The following SMARCA2 variants were observed in gnomAD, a reference collection of about 807,000 sequenced individuals.
SMARCA2 encodes the protein SWI/SNF-related matrix-associated actin-dependent regulator of chromatin subfamily A member 2.
SMARCA2 carries 61 observed loss-of-function variants against 199.8 expected under a neutral mutation model. That is an observed-to-expected ratio of 0.31 (90% CI 0.25 to 0.38). The LOEUF (loss-of-function observed/expected upper bound fraction) is 0.38, where lower values mean the gene tolerates loss of function less well. SMARCA2 is among the 10% of genes least tolerant of loss of function. The probability of loss-of-function intolerance (pLI) is 1.00; values close to 1 mark genes in which losing one functional copy is unlikely to be tolerated. For synonymous variants in SMARCA2, 935 were observed against 732.0 expected (o/e 1.28, Z -4.48); for missense variants, 1,344 against 2,012.2 (o/e 0.67, Z 6.35).
chr9:2,169,303 A>G lies in SMARCA2; in HGVS notation c.4200-1116A>G, dbSNP rs963213984. ...TCTGAGGCACCTAACTTGTCATTTC[A>G]TATTGTAACTTTAGAACTCTTCACA... On this transcript the variant is annotated intron_variant, in intron 28 of 33. Coordinates refer to ENST00000349721, the MANE Select transcript of SMARCA2 (RefSeq NM_003070.5). This position sits in a 1 kb window ranked among gnomAD's most constrained non-coding sequence, Gnocchi z 6.5. 7.2e-5 allele frequency among the ~76,000 whole-genome samples: 11 copies of G among 152,030 alleles called. No individual in the cohort carries two copies. Among genetic ancestry groups the G allele is most frequent in the African/African-American group, 2.7e-4 (11 of 41,388 alleles).
chr9:2,090,477 G>T (rs1822006117), intron 19 of SMARCA2, among the ~76,000 whole-genome samples: 1 of 152,236 alleles, frequency 6.6e-6, no homozygotes, highest in South Asian at 2.1e-4. Flanking sequence ...GTGAACTTGG[G>T]CAAGTCTTCT....
At chr9:2,147,541 A>C (rs998292857) in intron 27 of SMARCA2, among the ~76,000 whole-genome samples, 23 of 152,220 alleles carry the variant, frequency 1.5e-4, no homozygotes, top group African/African-American at 4.3e-4. Context: ...ATAATGTTTC[A>C]CTTAGGATTT....
chr9:2,079,721 T>G (rs952885986), intron 14 of SMARCA2, among the ~76,000 whole-genome samples: 3 of 152,250 alleles, frequency 2.0e-5, no homozygotes, highest in Non-Finnish European at 4.4e-5. Flanking sequence ...AAAGCAGGTT[T>G]CATCTTGTTT....
At position 2,170,186 on chromosome 9, in the gene SMARCA2, C is replaced by A. The variant is rs369835781; in HGVS notation, c.4200-233C>A. On this transcript the variant is annotated intron_variant, in intron 28 of 33. Transcript: ENST00000349721. The surrounding 1 kb of genome is among the most constrained non-coding windows in gnomAD (Gnocchi z 4.7). Reference sequence around the variant, plus strand: ...GGGTAACAGGAATTTCTGTGTGTGACGGAAGTAGGAAAATCCCAGAAAGGT... The same window carrying A: ...GGGTAACAGGAATTTCTGTGTGTGAAGGAAGTAGGAAAATCCCAGAAAGGT... Among the ~76,000 whole-genome samples the A allele has an allele frequency of 5.3e-5, 8 of 152,116 alleles. No individual in the cohort carries two copies. The highest frequency in any genetic ancestry group is 1.7e-4 in the African/African-American group (7 of 41,398).
chr9:2,156,135 C>A (rs1411602724), intron 27 of SMARCA2, among the ~76,000 whole-genome samples: 1 of 152,114 alleles, frequency 6.6e-6, no homozygotes, highest in Non-Finnish European at 1.5e-5. Flanking sequence ...CCTTAATAAC[C>A]TTTGAAAGAA....
At chr9:2,077,390 C>T (rs1309443085) in intron 13 of SMARCA2, among the ~76,000 whole-genome samples, 1 of 152,160 alleles carries the variant, frequency 6.6e-6, no homozygotes, top group African/African-American at 2.4e-5. Context: ...AATGAAGTAA[C>T]CTCTCTAAGC....
At chr9:2,025,476 T>C (rs1818787326) in intron 1 of SMARCA2, among the ~76,000 whole-genome samples, 1 of 152,176 alleles carries the variant, frequency 6.6e-6, no homozygotes, top group Admixed American at 6.5e-5. Flanking sequence ...TGTGTGTTAT[T>C]ATGTGAGCAG....
intron 27 of SMARCA2, among the ~76,000 whole-genome samples, chr9:2,127,023 T>C (rs1823726416): frequency 6.6e-6 from 1 of 152,256 alleles, no homozygotes; most frequent in Admixed American, 6.5e-5. Context: ...TGCAAACTCA[T>C]GTTCAGTCTG....
chr9:2,162,267 A>G (rs1825721029), intron 28 of SMARCA2, among the ~76,000 whole-genome samples: 1 of 152,202 alleles, frequency 6.6e-6, no homozygotes, highest in Non-Finnish European at 1.5e-5. Flanking sequence ...TTGTTAGAGA[A>G]AGAAGAATCC....
In SMARCA2 at chr9:2,054,719, G is replaced by A. The variant is rs537327734; in HGVS notation, c.1169G>A (p.Arg390His). Residue 390 changes from arginine (R) to histidine (H), a missense_variant, in exon 6 of 34, where the codon CGT becomes CAT. Coordinates refer to ENST00000349721, the MANE Select transcript of SMARCA2 (RefSeq NM_003070.5). ...LKALRLLNFQ[R>H]QLRQEVVACM... ...GCACTTCGGTTACTCAATTTCCAGC[G>A]TCAGGTAATACATTTTCCCCAGTGA... is the stretch of plus-strand genomic sequence containing the variant. 9 of 1,613,938 alleles carry A rather than the reference G, an allele frequency of 5.6e-6. No homozygotes were observed. Among genetic ancestry groups the A allele is most frequent in the East Asian group, 2.2e-5 (1 of 44,876 alleles).
Position 2,073,338 on chromosome 9 carries a change from C to G in SMARCA2, c.1873C>G (p.Pro625Ala). 1.2e-6 allele frequency: 2 copies of G among 1,614,168 alleles called. No homozygotes were observed. Among genetic ancestry groups the G allele is most frequent in the Non-Finnish European group, 8.5e-7 (1 of 1,180,032 alleles). The change falls in exon 11 of 34, where the codon CCT becomes GCT. Residue 625 changes from proline (P) to alanine (A), a missense_variant. Physicochemically the swap from Pro to Ala is conservative, Grantham distance 27. Transcript: ENST00000349721. ...SQLDAWLEMNPGYEVAPRSDS... is the reference protein window; with the variant it reads ...SQLDAWLEMNAGYEVAPRSDS... ...GCTGGACGCCTGGCTGGAAATGAAT[C>G]CTGGGTAAGGCATGAAAGCAGCGTT...
chr9:2,192,823 G>A lies in SMARCA2; in HGVS notation c.*84G>A, dbSNP rs1247586234. The stretch of plus-strand genomic sequence containing the variant: ...ACCCAGTGAGTTCATTTGTCATATA[G>A]GCACTGGGTTGTTTCTATATCATCA... On this transcript the variant is annotated 3_prime_UTR_variant, in exon 34 of 34. Coordinates refer to ENST00000349721, the MANE Select transcript of SMARCA2 (RefSeq NM_003070.5). 1 of 968,836 alleles carries A rather than the reference G, an allele frequency of 1.0e-6. No homozygotes were observed. The highest frequency in any genetic ancestry group is 1.7e-6 in the Non-Finnish European group (1 of 600,662). 60.0% of individuals were successfully genotyped at this position (968,836 alleles called of 1,614,324 possible).
intron 27 of SMARCA2, among the ~76,000 whole-genome samples, chr9:2,137,085 C>A (rs952668516): frequency 6.6e-6 from 1 of 152,156 alleles, no homozygotes. Context: ...TTCTACCAAC[C>A]CTACTTGGCC....
chr9:2,137,264 C>A (rs560205080), intron 27 of SMARCA2, among the ~76,000 whole-genome samples: 35 of 152,272 alleles, frequency 2.3e-4, no homozygotes, highest in Non-Finnish European at 4.0e-4. Context: ...AGGTGGCTAC[C>A]CAGAGAGGTC....
At chr9:2,035,047 T>G (rs545448048) in intron 3 of SMARCA2, among the ~76,000 whole-genome samples, 1 of 151,186 alleles carries the variant, frequency 6.6e-6, no homozygotes, top group East Asian at 1.9e-4. Flanking sequence ...TTTATTTATT[T>G]ATTTATATTT....
chr9:2,105,409 C>A (rs1191568820), intron 23 of SMARCA2, among the ~76,000 whole-genome samples: 2 of 132,034 alleles, frequency 1.5e-5, no homozygotes, highest in East Asian at 3.9e-4. Context: ...CCACGCCCGG[C>A]TAATTTTTTT....
intron 22 of SMARCA2, among the ~76,000 whole-genome samples, chr9:2,102,742 C>G (rs1033856730): frequency 6.6e-6 from 1 of 152,142 alleles, no homozygotes; most frequent in Non-Finnish European, 1.5e-5. Context: ...CTCCCCCAGT[C>G]CATTCTTACA....
chr9:2,054,444 C>A (rs938320352), intron 5 of SMARCA2, among the ~76,000 whole-genome samples, 153 bp from the exon 6 acceptor site: 1 of 152,234 alleles, frequency 6.6e-6, no homozygotes, highest in Non-Finnish European at 1.5e-5. Flanking sequence ...TGCTTAACAT[C>A]AAAAATTCTA....
chr9:2,064,680 A>G (rs1026424351), intron 9 of SMARCA2, among the ~76,000 whole-genome samples: 4 of 152,202 alleles, frequency 2.6e-5, no homozygotes, highest in Non-Finnish European at 5.9e-5. Context: ...TGAGGCATGC[A>G]GAAGAAAAAT....
Sources: allele counts gnomAD v4.1 joint callset (sites outside exome capture counted in the v4.1 genomes callset), GRCh38; gene constraint gnomAD v4.1.1; non-coding constraint Gnocchi (gnomAD v3.1); transcripts MANE v1.5; gene names NCBI Gene and HGNC (gene_info 2026-07-23, HGNC 2026-07-21).